CLDN14: variants seen among roughly 807,000 people sequenced by gnomAD.
The protein encoded by CLDN14 is claudin 14, also known as claudin-14.
Under a neutral mutation model 2.1 loss-of-function variants are expected in CLDN14, and 2 were observed. That is an observed-to-expected ratio of 0.96 (90% CI 0.39 to 3.01). The LOEUF (loss-of-function observed/expected upper bound fraction) is 3.01, where lower values mean the gene tolerates loss of function less well. Ranked by LOEUF, CLDN14 falls within the 30% of genes most tolerant of loss-of-function variation. The probability of loss-of-function intolerance (pLI) is 0.09; values close to 1 mark genes in which losing one functional copy is unlikely to be tolerated. For missense variants in CLDN14, 298 were observed against 328.0 expected, an observed-to-expected ratio of 0.91 and a Z score of 0.71; for synonymous variants, 136 against 154.4, an observed-to-expected ratio of 0.88 and a Z score of 0.88.
chr21:36,546,145 A>G (rs1206152650), intron 1 of CLDN14, among the ~76,000 whole-genome samples: 1 of 152,216 alleles, frequency 6.6e-6, no homozygotes, highest in Non-Finnish European at 1.5e-5. Flanking sequence ...AGACCTGCAT[A>G]TGGGCATGCA....
chr21:36,472,527 A>G (rs1051644188), intron 1 of CLDN14, among the ~76,000 whole-genome samples: 4 of 152,220 alleles, frequency 2.6e-5, no homozygotes, highest in African/African-American at 9.6e-5. Flanking sequence ...GTCCTTGGAC[A>G]AGGTTAACAT....
At chr21:36,557,803 T>C (rs1326753644) in intron 1 of CLDN14, among the ~76,000 whole-genome samples, 3 of 152,246 alleles carry the variant, frequency 2.0e-5, no homozygotes, top group Non-Finnish European at 4.4e-5. Flanking sequence ...GTAATCCCAT[T>C]TGCCTATTTT....
intron 1 of CLDN14, among the ~76,000 whole-genome samples, chr21:36,566,129 G>A (rs773429468): frequency 1.3e-5 from 2 of 152,124 alleles, no homozygotes; most frequent in Non-Finnish European, 2.9e-5. Context: ...CCTATACCAG[G>A]ATCTACCTGT....
chr21:36,501,923 CTT>C (rs10691614), intron 2 of CLDN14, among the ~76,000 whole-genome samples: 1,683 of 148,050 alleles, frequency 0.011, 12 homozygotes, highest in Non-Finnish European at 0.018. Context: ...TTGAAAAGAC[CTT>C]TTTTTTTTTT....
rs574943321 is a variant in CLDN14, at chr21:36,507,324, C to T, written c.-82+3039G>A. ...GATGAGCCTTGGGGACCCCATAAAA[C>T]CCAGAGGAACATGTGGCAGAGGACC... On this transcript the variant is annotated intron_variant, in intron 2 of 2. Transcript: ENST00000342108. Among the ~76,000 whole-genome samples the T allele has an allele frequency of 3.3e-5, 5 of 152,240 alleles. No individual in the cohort carries two copies. In the East Asian group the frequency reaches 9.7e-4, roughly 29 times the overall value.
chr21:36,554,554 G>GGATACTA (rs1265466364), intron 1 of CLDN14, among the ~76,000 whole-genome samples: 1 of 152,174 alleles, frequency 6.6e-6, no homozygotes, highest in Non-Finnish European at 1.5e-5. Context: ...CGTGCAAGAT[G>GGATACTA]GATACTATAA....
intron 2 of CLDN14, among the ~76,000 whole-genome samples, chr21:36,506,177 G>A (rs914029876): frequency 1.3e-5 from 2 of 152,194 alleles, no homozygotes; most frequent in African/African-American, 4.8e-5. Context: ...ACACAGATTA[G>A]TATGCACCAT....
In CLDN14 at chr21:36,460,707, C is replaced by G. The variant is rs571301747; in HGVS notation, c.*269G>C. The G allele has an allele frequency of 4.7e-6, 2 of 427,886 alleles. No homozygotes were observed. The highest frequency in any genetic ancestry group is 4.0e-5 in the African/African-American group (2 of 50,502). The allele number at this position is 427,886 out of a possible 1,614,324, so 26.5% of individuals were successfully genotyped here. ...AACTCCCAAGTCACTTTATATTAAA[C>G]TTGTTATCAAATCACCCACATAAAT... On this transcript the variant is annotated 3_prime_UTR_variant, in exon 2 of 2. Transcript: ENST00000399135. This position sits in a 1 kb window ranked among gnomAD's most constrained non-coding sequence, Gnocchi z 4.0.
chr21:36,489,117 G>GAAAA (rs869298653), intron 2 of CLDN14, among the ~76,000 whole-genome samples: 1,879 of 56,816 alleles, frequency 0.033, 86 homozygotes, highest in Non-Finnish European at 0.043. Flanking sequence ...CTGTCTCAAA[G>GAAAA]AAAAAAAAAA....
Position 36,461,238 on chromosome 21 carries a change from G to A in CLDN14, c.458C>T (p.Pro153Leu). Residue 153 changes from proline (P) to leucine (L), a missense_variant, in exon 2 of 2, where the codon CCC (proline) becomes CTC (leucine). Transcript: ENST00000399135. ...GCCAATCTCAAACTTCATGCCGCTG[G>A]GCAGCAGCGGGTTGTAGAAGTTCTG... ...VVQNFYNPLLPSGMKFEIGQA... is the reference protein window; with the variant it reads ...VVQNFYNPLLLSGMKFEIGQA... 1 of 1,614,044 alleles carries A rather than the reference G, an allele frequency of 6.2e-7. No homozygotes were observed. Among genetic ancestry groups the A allele is most frequent in the Non-Finnish European group, 8.5e-7 (1 of 1,180,026 alleles).
At chr21:36,471,042 A>G (rs929563073) in intron 1 of CLDN14, among the ~76,000 whole-genome samples, 11 of 152,228 alleles carry the variant, frequency 7.2e-5, no homozygotes, top group African/African-American at 2.7e-4. Flanking sequence ...CAGGACAGGC[A>G]TTGAGTGTGA....
intron 1 of CLDN14, among the ~76,000 whole-genome samples, chr21:36,568,236 AG>A (rs1446653394): frequency 3.3e-5 from 5 of 152,166 alleles, no homozygotes; most frequent in Non-Finnish European, 7.3e-5. Context: ...AGGTGGACAA[AG>A]GGTTCTACTT....
At chr21:36,535,316 G>C (rs1335834181) in intron 1 of CLDN14, among the ~76,000 whole-genome samples, 3 of 152,192 alleles carry the variant, frequency 2.0e-5, no homozygotes, top group Admixed American at 1.3e-4. Context: ...CTTGAACCTG[G>C]GAGGTGGAGG....
upstream of CLDN14, among the ~76,000 whole-genome samples, chr21:36,484,474 AG>A (rs2146453881): frequency 1.3e-5 from 2 of 152,282 alleles, no homozygotes; most frequent in Admixed American, 1.3e-4. Context: ...GAAGGCCAAG[AG>A]TCCAAAACCA....
intron 2 of CLDN14, chr21:36,486,838 T>C (rs1464129343): frequency 2.7e-6 from 2 of 733,602 alleles, no homozygotes; most frequent in African/African-American, 1.7e-5. Context: ...GATGCCAGTG[T>C]AGAAGGTGAT....
intron 1 of CLDN14, among the ~76,000 whole-genome samples, chr21:36,566,870 G>C (rs2087676658): frequency 6.6e-6 from 1 of 152,212 alleles, no homozygotes; most frequent in South Asian, 2.1e-4. Context: ...AAATCAGGGG[G>C]CTCACGTTGA....
At chr21:36,495,204 C>G (rs2146467821) in intron 2 of CLDN14, among the ~76,000 whole-genome samples, 2 of 152,262 alleles carry the variant, frequency 1.3e-5, no homozygotes, top group South Asian at 4.2e-4. Context: ...TGGTGGACAC[C>G]TGTAACCCCA....
chr21:36,466,935 C>T (rs1352454276), intron 1 of CLDN14, among the ~76,000 whole-genome samples: 1 of 152,098 alleles, frequency 6.6e-6, no homozygotes, highest in Non-Finnish European at 1.5e-5. Flanking sequence ...GGCTACAGGC[C>T]CCATGCAAGT....
At chr21:36,464,813 G>C (rs2086625278) in intron 1 of CLDN14, among the ~76,000 whole-genome samples, 1 of 152,256 alleles carries the variant, frequency 6.6e-6, no homozygotes, top group Non-Finnish European at 1.5e-5. Flanking sequence ...GAGAGGAGCA[G>C]AGGATGAAAG....
Sources: gnomAD v4.1 joint callset for allele counts (sites outside exome capture counted in the v4.1 genomes callset) on GRCh38, gnomAD v4.1.1 for gene constraint, Gnocchi (gnomAD v3.1) non-coding constraint, MANE v1.5 for transcripts, NCBI Gene and HGNC (gene_info 2026-07-23, HGNC 2026-07-21) for gene names.